Variants in CTNNA1 observed in about 807,000 individuals in gnomAD.
CTNNA1 encodes catenin alpha 1.
In CTNNA1, 37 loss-of-function variants were observed where a neutral mutation model predicts 98.4. That is an observed-to-expected ratio of 0.38 (90% confidence interval 0.29 to 0.49). The LOEUF (loss-of-function observed/expected upper bound fraction) is 0.49. CTNNA1 is among the 20% of genes least tolerant of loss of function. The probability of loss-of-function intolerance (pLI) is 0.95; values close to 1 mark genes in which losing one functional copy is unlikely to be tolerated. For missense variants in CTNNA1, 761 were observed against 1,147.2 expected, an observed-to-expected ratio of 0.66 and a Z score of 4.86; for synonymous variants, 404 against 413.2, an observed-to-expected ratio of 0.98 and a Z score of 0.27.
chr5:138,823,732 C>T (rs1180439917), intron 5 of CTNNA1, among the ~76,000 whole-genome samples: 1 of 151,690 alleles, frequency 6.6e-6, no homozygotes, highest in Admixed American at 6.6e-5. Flanking sequence ...CCGAGGCGGG[C>T]GGATCACGAG....
chr5:138,923,553 C>T (rs1763359572), intron 11 of CTNNA1, among the ~76,000 whole-genome samples: 1 of 152,104 alleles, frequency 6.6e-6, no homozygotes, highest in South Asian at 2.1e-4. Context: ...GAGACAGAGT[C>T]TCACTCTGTT....
chr5:138,914,916 G>A (rs549890259), intron 10 of CTNNA1, among the ~76,000 whole-genome samples: 4 of 152,172 alleles, frequency 2.6e-5, no homozygotes, highest in African/African-American at 9.6e-5. Flanking sequence ...GGGAGGCCGA[G>A]GCGGGTGGAT....
chr5:138,871,213 T>C (rs1377706138), intron 7 of CTNNA1: 2 of 152,210 alleles, frequency 1.3e-5, no homozygotes, highest in African/African-American at 4.8e-5. Context: ...ATGTTGATGT[T>C]GGGGAAAAGA....
At chr5:138,817,522 T>A (rs1022256351) in intron 5 of CTNNA1, among the ~76,000 whole-genome samples, 1 of 152,238 alleles carries the variant, frequency 6.6e-6, no homozygotes, top group Non-Finnish European at 1.5e-5. Flanking sequence ...GCCTTTTCTT[T>A]TCTCCTTCTG....
chr5:138,852,871 G>GCGCACACACGCGCGCGCGCA (rs869240008), intron 7 of CTNNA1, among the ~76,000 whole-genome samples: 12 of 151,240 alleles, frequency 7.9e-5, no homozygotes, highest in South Asian at 2.1e-4. Flanking sequence ...GCGCGCGCGC[G>GCGCACACACGCGCGCGCGCA]CACACACACA....
chr5:138,860,061 A>G (rs554804024), intron 7 of CTNNA1, among the ~76,000 whole-genome samples: 1 of 152,284 alleles, frequency 6.6e-6, no homozygotes, highest in Admixed American at 6.5e-5. Flanking sequence ...AAAGATTGAT[A>G]TAAAATATTT....
chr5:138,879,549 AC>A (rs1752434878), intron 7 of CTNNA1, among the ~76,000 whole-genome samples: 1 of 152,086 alleles, frequency 6.6e-6, no homozygotes, highest in African/African-American at 2.4e-5. Context: ...GCTCACTGTA[AC>A]CTTGAACTCC....
chr5:138,887,409 A>C, intron 8 of CTNNA1, 81 bp from the exon 9 acceptor site: 1 of 1,002,094 alleles, frequency 1.0e-6, no homozygotes, highest in East Asian at 2.5e-5. Context: ...ATTAGATTTA[A>C]GTGTACAAGA....
Position 138,924,501 on chromosome 5 carries a change from G to A in CTNNA1, c.1547-9G>A, listed in dbSNP as rs370061694. The A allele has an allele frequency of 3.1e-5, 50 of 1,613,608 alleles. No homozygotes were observed. The African/African-American group carries it at 5.9e-4, about 19-fold the overall frequency. On this transcript the variant is annotated splice_polypyrimidine_tract_variant and intron_variant, in intron 11 of 17. Coordinates refer to ENST00000302763, the MANE Select transcript of CTNNA1 (RefSeq NM_001903.5). ...TCCTTCCTCATTCAACTTTTTGCTT[G>A]TTCTCCAGAGAATCACATTTTGGAA...
intron 1 of CTNNA1, among the ~76,000 whole-genome samples, chr5:138,773,182 C>T (rs537764094): frequency 2.0e-5 from 3 of 152,256 alleles, no homozygotes; most frequent in East Asian, 1.9e-4. Context: ...TGATGTTCAG[C>T]GTCATTCTTG....
chr5:138,860,600 A>G (rs1764180476), intron 7 of CTNNA1, among the ~76,000 whole-genome samples: 1 of 152,060 alleles, frequency 6.6e-6, no homozygotes, highest in Admixed American at 6.6e-5. Context: ...GGCTCAGGCG[A>G]TTCTCCTGCC....
chr5:138,802,149 A>G (rs1757642654), intron 3 of CTNNA1, among the ~76,000 whole-genome samples: 1 of 152,198 alleles, frequency 6.6e-6, no homozygotes, highest in Admixed American at 6.5e-5. Context: ...TGACAAGAAG[A>G]AGGCAGGGAA....
At chr5:138,868,464 G>C (rs1561613461) in intron 7 of CTNNA1, among the ~76,000 whole-genome samples, 2 of 152,198 alleles carry the variant, frequency 1.3e-5, no homozygotes, top group Admixed American at 6.5e-5. Flanking sequence ...CATGGAAGGT[G>C]CTGCTGGGAT....
chr5:138,898,847 CT>C, intron 9 of CTNNA1, among the ~76,000 whole-genome samples: 1 of 152,196 alleles, frequency 6.6e-6, no homozygotes, highest in South Asian at 2.1e-4. Context: ...CTCTTAAATT[CT>C]TTTGTGGTTT....
chr5:138,892,342 T>G (rs907174447), intron 9 of CTNNA1, among the ~76,000 whole-genome samples: 21 of 132,968 alleles, frequency 1.6e-4, no homozygotes, highest in Non-Finnish European at 2.6e-4. Flanking sequence ...TTTTTTTTTT[T>G]TTTTTTTTTT....
chr5:138,824,942 C>T (rs1760492515), intron 6 of CTNNA1, 143 bp downstream of exon 6: 1 of 751,796 alleles, frequency 1.3e-6, no homozygotes, highest in African/African-American at 1.8e-5. Context: ...AATTATGAAT[C>T]ATCAGTCTAC....
chr5:138,850,445 T>G (rs905369559), intron 7 of CTNNA1, among the ~76,000 whole-genome samples: 3 of 152,228 alleles, frequency 2.0e-5, no homozygotes, highest in African/African-American at 7.2e-5. Context: ...TGCTCTGTTA[T>G]TGACTGTTCT....
intron 3 of CTNNA1, among the ~76,000 whole-genome samples, chr5:138,796,878 A>G (rs946399290): frequency 3.3e-5 from 5 of 152,230 alleles, no homozygotes; most frequent in Non-Finnish European, 7.3e-5. Flanking sequence ...ATAACAAACA[A>G]TATGCTCCTG....
intron 1 of CTNNA1, among the ~76,000 whole-genome samples, chr5:138,758,619 C>T (rs1751972899): frequency 6.6e-6 from 1 of 152,088 alleles, no homozygotes; most frequent in East Asian, 1.9e-4. Flanking sequence ...TCGTGATCTG[C>T]CCACCTCGGC....
Sources: allele counts gnomAD v4.1 joint callset (sites outside exome capture counted in the v4.1 genomes callset), GRCh38; gene constraint gnomAD v4.1.1; transcripts MANE v1.5; gene names NCBI Gene and HGNC (gene_info 2026-07-23, HGNC 2026-07-21).